Variants in PTBP3 observed in about 807,000 individuals in gnomAD.
PTBP3 encodes polypyrimidine tract binding protein 3, also known as polypyrimidine tract-binding protein 3.
PTBP3 carries 20 observed loss-of-function variants against 58.7 expected under a neutral mutation model. The ratio of observed to expected loss-of-function variants is 0.34; its 90% CI spans 0.24 to 0.50. The LOEUF is 0.50. Among genes scored for constraint, PTBP3 ranks in the 20% least tolerant of loss-of-function variants. The probability of loss-of-function intolerance (pLI) is 0.98; values close to 1 mark genes in which losing one functional copy is unlikely to be tolerated. For synonymous variants in PTBP3, 185 were observed against 219.8 expected, an observed-to-expected ratio of 0.84 and a Z score of 1.40; for missense variants, 509 against 637.2, an observed-to-expected ratio of 0.80 and a Z score of 2.17.
At chr9:112,307,750 T>G (rs1170665715) in intron 1 of PTBP3, among the ~76,000 whole-genome samples, 2 of 152,216 alleles carry the variant, frequency 1.3e-5, no homozygotes, top group African/African-American at 2.4e-5. Flanking sequence ...TTTGATATTA[T>G]GAAGGCTAAA....
At chr9:112,299,093 A>C (rs1828808326) in intron 1 of PTBP3, among the ~76,000 whole-genome samples, 1 of 152,170 alleles carries the variant, frequency 6.6e-6, no homozygotes, top group South Asian at 2.1e-4. Flanking sequence ...CCTGCAGATA[A>C]AGACACATTT....
chr9:112,251,733 A>C (rs1342985995), intron 6 of PTBP3, among the ~76,000 whole-genome samples: 1 of 152,192 alleles, frequency 6.6e-6, no homozygotes, highest in Non-Finnish European at 1.5e-5. Context: ...TGGCCACTTA[A>C]CGACTTTCAC....
chr9:112,365,645 A>T, the PTBP3 span, among the ~76,000 whole-genome samples: 1 of 152,186 alleles, frequency 6.6e-6, no homozygotes, highest in African/African-American at 2.4e-5. Flanking sequence ...GGTGCTGCTG[A>T]AAAGATACCG....
chr9:112,280,212 G>A (rs554097107), intron 2 of PTBP3, among the ~76,000 whole-genome samples: 7 of 152,126 alleles, frequency 4.6e-5, no homozygotes, highest in African/African-American at 1.2e-4. Flanking sequence ...ACACCACCAC[G>A]CCCAGCTAAT....
the PTBP3 span, among the ~76,000 whole-genome samples, chr9:112,339,365 A>G: frequency 6.6e-6 from 1 of 151,118 alleles, no homozygotes; most frequent in Non-Finnish European, 1.5e-5. Flanking sequence ...TAATCACTAC[A>G]GTGATCTAAG....
Position 112,219,215 on chromosome 9 carries a change from C to T in PTBP3, c.*4636G>A, listed in dbSNP as rs962851996. ...GGTGACACTTTGATGCAAAACTTTG[C>T]TTGGTCAGCAATCTTTATAACTGGT... On this transcript the variant is annotated 3_prime_UTR_variant, in exon 14 of 14. Coordinates refer to ENST00000374257, the MANE Select transcript of PTBP3 (RefSeq NM_001163788.4). The T allele has an allele frequency of 6.6e-6, 1 of 152,504 alleles. No homozygotes were observed. The highest frequency in any genetic ancestry group is 1.5e-5 in the Non-Finnish European group (1 of 68,028). 9.4% of individuals were successfully genotyped at this position (152,504 alleles called of 1,614,324 possible).
At chr9:112,292,643 G>T (rs1171077519) in intron 2 of PTBP3, among the ~76,000 whole-genome samples, 1 of 152,080 alleles carries the variant, frequency 6.6e-6, no homozygotes, top group Non-Finnish European at 1.5e-5. Flanking sequence ...TGAACCTTGA[G>T]GACACTATGC....
chr9:112,276,655 G>A (rs1042647376), intron 2 of PTBP3, among the ~76,000 whole-genome samples: 25 of 151,972 alleles, frequency 1.6e-4, no homozygotes, highest in Admixed American at 1.3e-3. Context: ...TGAAGCAGAA[G>A]CTCCAGGAGT....
intron 5 of PTBP3, among the ~76,000 whole-genome samples, chr9:112,257,095 GGC>G (rs1491468419): frequency 6.6e-6 from 1 of 152,076 alleles, no homozygotes; most frequent in Non-Finnish European, 1.5e-5. Flanking sequence ...CTTCAACAAT[GGC>G]CTAAAGCACA....
chr9:112,353,491 C>A, the PTBP3 span, among the ~76,000 whole-genome samples: 1 of 151,238 alleles, frequency 6.6e-6, no homozygotes, highest in Admixed American at 6.6e-5. Flanking sequence ...GGTGATCCAC[C>A]CACCTCGGCC....
chr9:112,237,736 T>C (rs1030557669), intron 7 of PTBP3, among the ~76,000 whole-genome samples: 7 of 152,030 alleles, frequency 4.6e-5, no homozygotes, highest in Non-Finnish European at 1.0e-4. Flanking sequence ...CAGTGAGAAG[T>C]CAACAGGATA....
At chr9:112,358,174 G>A in the PTBP3 span, among the ~76,000 whole-genome samples, 2 of 152,114 alleles carry the variant, frequency 1.3e-5, no homozygotes. Context: ...GCTGGGCGTG[G>A]TGGCAGGTGC....
At chr9:112,229,311 C>G (rs1835111848) in intron 10 of PTBP3, among the ~76,000 whole-genome samples, 1 of 152,108 alleles carries the variant, frequency 6.6e-6, no homozygotes, top group African/African-American at 2.4e-5. Context: ...CACCTATAAT[C>G]CCAGCACTTT....
the PTBP3 span, among the ~76,000 whole-genome samples, chr9:112,340,334 C>T: frequency 2.0e-5 from 3 of 152,046 alleles, no homozygotes; most frequent in East Asian, 3.9e-4. Flanking sequence ...ATTACCAATT[C>T]GTTATTTATT....
At chr9:112,354,018 A>T in the PTBP3 span, among the ~76,000 whole-genome samples, 4 of 152,166 alleles carry the variant, frequency 2.6e-5, no homozygotes, top group African/African-American at 7.2e-5. Flanking sequence ...TGGACAAAAT[A>T]GTTCCTTTTC....
chr9:112,331,110 C>CACAG (rs1448378415), intron 1 of PTBP3, among the ~76,000 whole-genome samples: 1 of 151,296 alleles, frequency 6.6e-6, no homozygotes, highest in East Asian at 2.0e-4. Flanking sequence ...CACACACACA[C>CACAG]ACACACACAC....
chr9:112,287,409 G>A (rs1167006979), intron 2 of PTBP3, among the ~76,000 whole-genome samples: 2 of 131,156 alleles, frequency 1.5e-5, no homozygotes, highest in Non-Finnish European at 3.1e-5. Flanking sequence ...GTACGATCTC[G>A]GCTCACTGCA....
chr9:112,290,707 T>TACACACACACACACACACACACAC (rs60262490), intron 2 of PTBP3, among the ~76,000 whole-genome samples: 1 of 110,902 alleles, frequency 9.0e-6, no homozygotes, highest in Non-Finnish European at 1.7e-5. Context: ...TATATATATA[T>TACACACACACACACACACACACAC]ACACACACAC....
In PTBP3 at chr9:112,231,420, AG is replaced by A; in HGVS notation, c.1021-8del. 6.3e-7 allele frequency: 1 copy of A among 1,583,336 alleles called. No homozygotes were observed. The highest frequency in any genetic ancestry group is 8.6e-7 in the Non-Finnish European group (1 of 1,163,894). ...GCCCATGTGGTGTGATAAGCTGTAA[AG>A]GGTAACACAAAGTTAAGTGTCTGAC... On this transcript the variant is annotated splice_polypyrimidine_tract_variant and splice_region_variant and intron_variant, in intron 9 of 13. Coordinates refer to ENST00000374257, the MANE Select transcript of PTBP3 (RefSeq NM_001163788.4).
Sources: gnomAD v4.1 joint callset for allele counts (sites outside exome capture counted in the v4.1 genomes callset) on GRCh38, gnomAD v4.1.1 for gene constraint, MANE v1.5 for transcripts, NCBI Gene and HGNC (gene_info 2026-07-23, HGNC 2026-07-21) for gene names.